The following DCUN1D4 variants were observed in gnomAD, a reference collection of about 807,000 sequenced individuals.
The protein encoded by DCUN1D4 is DCN1-like protein 4.
In DCUN1D4, 22 loss-of-function variants were observed where a neutral mutation model predicts 47.9. The observed-to-expected ratio is 0.46, with a 90% CI of 0.33 to 0.66. DCUN1D4 has a LOEUF of 0.66. DCUN1D4 is among the 30% of genes least tolerant of loss of function. DCUN1D4 has a pLI of 0.02. For synonymous variants in DCUN1D4, 121 were observed against 112.2 expected (o/e 1.08, Z -0.50); for missense variants, 301 against 340.8 (o/e 0.88, Z 0.92).
At position 51,913,327 on chromosome 4, in the gene DCUN1D4, G is replaced by A. The variant is rs763818730; in HGVS notation, c.758G>A (p.Cys253Tyr). 21 of 1,611,776 alleles carry A rather than the reference G, an allele frequency of 1.3e-5. No individual in the cohort carries two copies. The highest frequency in any genetic ancestry group is 1.8e-5 in the Non-Finnish European group (21 of 1,178,766). ...AAAGTTATTAATAAAGACCAGTGGT[G>A]CAATGTCCTAGAGTTTAGCAGAACA... The part of the protein sequence containing the change: ...KYKVINKDQW[C>Y]NVLEFSRTIN... Residue 253 changes from cysteine (C) to tyrosine (Y), a missense_variant, in exon 10 of 11, where the codon TGC becomes TAC. Physicochemically the swap from Cys to Tyr is radical, Grantham distance 194 (BLOSUM62 -2). Transcript: ENST00000334635.
intron 1 of DCUN1D4, among the ~76,000 whole-genome samples, chr4:51,860,892 A>G (rs887789519): frequency 6.6e-6 from 1 of 152,212 alleles, no homozygotes; most frequent in African/African-American, 2.4e-5. Context: ...ACCTGCCTCA[A>G]TTACAGAGGA....
the DCUN1D4 span, among the ~76,000 whole-genome samples, chr4:51,834,091 C>CTTTT: frequency 2.0e-5 from 1 of 49,536 alleles, no homozygotes; most frequent in Non-Finnish European, 3.5e-5. Flanking sequence ...TCTCTCTTTT[C>CTTTT]TTTTCTTCTT....
chr4:51,843,436 G>A, intron 1 of DCUN1D4, 169 bp downstream of exon 1: 2 of 1,257,502 alleles, frequency 1.6e-6, no homozygotes, highest in Non-Finnish European at 2.0e-6. Flanking sequence ...GACGCTGCGG[G>A]CGGCGTGGGG....
At chr4:51,910,793 A>T (rs1371328803) in intron 8 of DCUN1D4, 1 of 433,868 alleles carries the variant, frequency 2.3e-6, no homozygotes, top group Non-Finnish European at 4.1e-6. Flanking sequence ...AAGCCTGTAG[A>T]AACTGCTACG....
chr4:51,915,619 T>C lies in DCUN1D4; in HGVS notation c.*2035T>C, dbSNP rs1177268937. 1 of 152,592 alleles carries C rather than the reference T, an allele frequency of 6.6e-6. No individual in the cohort carries two copies. Among genetic ancestry groups the C allele is most frequent in the Non-Finnish European group, 1.5e-5 (1 of 68,010 alleles). The allele number at this position is 152,592 out of a possible 1,614,324, so 9.5% of individuals were successfully genotyped here. The stretch of plus-strand genomic sequence containing the variant: ...AAAGGCAACAGGTCATACAGTTCTT[T>C]AAATCTGATCAACTGTAGCTTTATT... On this transcript the variant is annotated 3_prime_UTR_variant, in exon 11 of 11. Coordinates refer to ENST00000334635, the MANE Select transcript of DCUN1D4 (RefSeq NM_001040402.3).
intron 5 of DCUN1D4, among the ~76,000 whole-genome samples, chr4:51,880,663 A>C (rs1441820727): frequency 1.3e-5 from 2 of 152,178 alleles, no homozygotes; most frequent in African/African-American, 2.4e-5. Context: ...TATAATGAAT[A>C]AACCCTTCTT....
At chr4:51,908,027 C>T (rs1733155113) in intron 8 of DCUN1D4, among the ~76,000 whole-genome samples, 1 of 152,186 alleles carries the variant, frequency 6.6e-6, no homozygotes, top group African/African-American at 2.4e-5. Context: ...CTGTTCTCTA[C>T]ACTAGCTCTT....
chr4:51,857,195 C>T (rs1432438176), intron 1 of DCUN1D4, among the ~76,000 whole-genome samples: 1 of 152,056 alleles, frequency 6.6e-6, no homozygotes, highest in African/African-American at 2.4e-5. Flanking sequence ...TCGCTTCTTC[C>T]TTTTTTATTT....
intron 7 of DCUN1D4, among the ~76,000 whole-genome samples, chr4:51,894,590 A>G (rs1181784641): frequency 6.6e-6 from 1 of 152,214 alleles, no homozygotes; most frequent in Non-Finnish European, 1.5e-5. Flanking sequence ...AAGTAACTAA[A>G]TAAGCATTGT....
At chr4:51,885,853 T>C (rs1729405723) in intron 5 of DCUN1D4, among the ~76,000 whole-genome samples, 1 of 152,092 alleles carries the variant, frequency 6.6e-6, no homozygotes, top group Non-Finnish European at 1.5e-5. Flanking sequence ...AGAGACAGTT[T>C]TGTGAAAAAA....
intron 3 of DCUN1D4, among the ~76,000 whole-genome samples, chr4:51,866,776 A>G (rs1390535622): frequency 6.6e-6 from 1 of 152,238 alleles, no homozygotes; most frequent in African/African-American, 2.4e-5. Context: ...ACTTGGACTC[A>G]TGCCTCCACT....
At chr4:51,877,712 T>G (rs761597445) in intron 4 of DCUN1D4, 51 bp from the exon 5 acceptor site, 2 of 1,151,070 alleles carry the variant, frequency 1.7e-6, no homozygotes, top group Non-Finnish European at 2.5e-6. Flanking sequence ...TCTGCTACTT[T>G]AAAGAACTCA....
intron 5 of DCUN1D4, among the ~76,000 whole-genome samples, chr4:51,879,633 AC>A (rs2110006712): frequency 6.6e-6 from 1 of 152,364 alleles, no homozygotes; most frequent in African/African-American, 2.4e-5. Flanking sequence ...TTGACACTGT[AC>A]CAGATATTCT....
chr4:51,850,796 T>C (rs1371082671), intron 1 of DCUN1D4, among the ~76,000 whole-genome samples: 2 of 151,928 alleles, frequency 1.3e-5, no homozygotes, highest in Admixed American at 1.3e-4. Context: ...TTTTAAATAG[T>C]GGAGCCAGGA....
chr4:51,837,385 A>AG, the DCUN1D4 span, among the ~76,000 whole-genome samples: 1 of 152,252 alleles, frequency 6.6e-6, no homozygotes, highest in Admixed American at 6.5e-5. Context: ...AAGAAATCTT[A>AG]GGCCGGGCGC....
At chr4:51,843,376 G>C (rs1364847307) in intron 1 of DCUN1D4, 109 bp downstream of exon 1, 7 of 1,376,722 alleles carry the variant, frequency 5.1e-6, no homozygotes, top group Non-Finnish European at 9.5e-7. Context: ...CGCGCCGGGA[G>C]CCCCTGCCTG....
At chr4:51,897,388 C>T (rs1336466961) in intron 7 of DCUN1D4, among the ~76,000 whole-genome samples, 1 of 152,026 alleles carries the variant, frequency 6.6e-6, no homozygotes, top group Non-Finnish European at 1.5e-5. Context: ...TATTATGAAC[C>T]ATTTTAGTTC....
intron 1 of DCUN1D4, chr4:51,860,695 C>G (rs1724918041): frequency 2.2e-6 from 1 of 452,636 alleles, no homozygotes. Context: ...TTTTAAATGA[C>G]TGAACCCCAT....
chr4:51,902,874 T>G (rs1293978372), intron 8 of DCUN1D4, among the ~76,000 whole-genome samples: 1 of 152,174 alleles, frequency 6.6e-6, no homozygotes, highest in Non-Finnish European at 1.5e-5. Context: ...TCCTAGTAGT[T>G]GCTCTGGGTG....
Sources: gnomAD v4.1 joint callset for allele counts (sites outside exome capture counted in the v4.1 genomes callset) on GRCh38, gnomAD v4.1.1 for gene constraint, MANE v1.5 for transcripts, NCBI Gene and HGNC (gene_info 2026-07-23, HGNC 2026-07-21) for gene names.